The following DCC variants were observed in gnomAD, a reference collection of about 807,000 sequenced individuals.
DCC encodes DCC netrin 1 receptor.
DCC carries 58 observed loss-of-function variants against 172.5 expected under a neutral mutation model. That is an observed-to-expected ratio of 0.34 (90% CI 0.27 to 0.42). DCC has a LOEUF of 0.42. Ranked by LOEUF, DCC falls within the 10% of genes least tolerant of loss-of-function variation. The pLI, the probability that DCC is intolerant of heterozygous loss-of-function variation, is 1.00. For synonymous variants in DCC, 709 were observed against 644.5 expected (o/e 1.10, Z -1.52); for missense variants, 1,740 against 1,791.0 (o/e 0.97, Z 0.51).
intron 13 of DCC, among the ~76,000 whole-genome samples, chr18:53,309,104 C>A (rs1368719238): frequency 1.3e-5 from 2 of 152,128 alleles, no homozygotes; most frequent in African/African-American, 4.8e-5. Context: ...GTGGCATGAT[C>A]ATAGTTTACT....
At chr18:53,184,558 G>A (rs191377563) in intron 9 of DCC, among the ~76,000 whole-genome samples, 6 of 152,196 alleles carry the variant, frequency 3.9e-5, no homozygotes, top group Non-Finnish European at 4.4e-5. Flanking sequence ...AACCTGTATA[G>A]CATGTGACGG....
At chr18:53,070,499 G>A (rs763153374) in intron 7 of DCC, among the ~76,000 whole-genome samples, 3 of 152,154 alleles carry the variant, frequency 2.0e-5, no homozygotes, top group Non-Finnish European at 4.4e-5. Flanking sequence ...ACTTCTCCCA[G>A]GAACTCTACA....
At chr18:52,685,070 C>T (rs1472000675) in intron 1 of DCC, among the ~76,000 whole-genome samples, 2 of 151,970 alleles carry the variant, frequency 1.3e-5, no homozygotes, top group African/African-American at 4.8e-5. Flanking sequence ...CTTACTTATT[C>T]AAATTAGTTC....
chr18:52,477,971 C>T (rs990117138), intron 1 of DCC, among the ~76,000 whole-genome samples: 1 of 152,032 alleles, frequency 6.6e-6, no homozygotes, highest in African/African-American at 2.4e-5. Flanking sequence ...CACCATACCC[C>T]GCTAATTTTT....
intron 3 of DCC, among the ~76,000 whole-genome samples, chr18:52,916,106 CAT>C (rs1422170962): frequency 6.6e-6 from 1 of 152,004 alleles, no homozygotes; most frequent in Non-Finnish European, 1.5e-5. Context: ...TAGTATTCCA[CAT>C]GTGTCAACAT....
intron 1 of DCC, among the ~76,000 whole-genome samples, chr18:52,697,724 A>G (rs1286464260): frequency 1.3e-5 from 2 of 152,212 alleles, no homozygotes; most frequent in Non-Finnish European, 2.9e-5. Context: ...TGTTAAGTAG[A>G]GAAATTGTAA....
At chr18:52,453,772 G>A (rs940473273) in intron 1 of DCC, among the ~76,000 whole-genome samples, 4 of 151,722 alleles carry the variant, frequency 2.6e-5, no homozygotes, top group Non-Finnish European at 2.9e-5. Flanking sequence ...CATGATAAAC[G>A]GATTTGTCTT....
intron 12 of DCC, among the ~76,000 whole-genome samples, chr18:53,297,742 G>A (rs1479373911): frequency 6.6e-6 from 1 of 152,132 alleles, no homozygotes; most frequent in East Asian, 1.9e-4. Context: ...ACATTAATAA[G>A]AAAAGAATGC....
In DCC at chr18:53,143,025, G is replaced by A. The variant is rs954782524; in HGVS notation, c.1262-14331G>A. Among the ~76,000 whole-genome samples the A allele has an allele frequency of 2.6e-5, 4 of 152,142 alleles. No individual in the cohort carries two copies. In the East Asian group the frequency reaches 5.8e-4, roughly 22 times the overall value. ...GGAAAGAATACCACAGAGGGGAAGT[G>A]TACTTCTTGCCACATAATATCAAGG... On this transcript the variant is annotated intron_variant, in intron 7 of 28. Transcript: ENST00000442544.
At chr18:52,401,663 A>C (rs1254711511) in intron 1 of DCC, among the ~76,000 whole-genome samples, 1 of 151,844 alleles carries the variant, frequency 6.6e-6, no homozygotes, top group East Asian at 1.9e-4. Context: ...ATAATTTGGC[A>C]CTCTAATTTT....
At chr18:53,504,281 G>C (rs1370558754) in intron 27 of DCC, among the ~76,000 whole-genome samples, 1 of 152,148 alleles carries the variant, frequency 6.6e-6, no homozygotes, top group Non-Finnish European at 1.5e-5. Context: ...TACCACACGA[G>C]TGTTCCATTC....
At chr18:53,211,170 A>C (rs1036210611) in intron 11 of DCC, among the ~76,000 whole-genome samples, 1 of 151,978 alleles carries the variant, frequency 6.6e-6, no homozygotes, top group Non-Finnish European at 1.5e-5. Flanking sequence ...TATTTTTATG[A>C]ATGTTATTAA....
chr18:53,187,528 G>A (rs1015452505), intron 9 of DCC, among the ~76,000 whole-genome samples: 1 of 152,024 alleles, frequency 6.6e-6, no homozygotes, highest in Non-Finnish European at 1.5e-5. Flanking sequence ...TTGCCTTTTA[G>A]TATAAAATAT....
chr18:52,370,377 C>T (rs748601464), intron 1 of DCC, among the ~76,000 whole-genome samples: 23 of 152,070 alleles, frequency 1.5e-4, no homozygotes, highest in Non-Finnish European at 2.8e-4. Flanking sequence ...TACATATACA[C>T]CATGGAATAA....
At chr18:52,515,970 G>T (rs1437343519) in intron 1 of DCC, among the ~76,000 whole-genome samples, 2 of 149,250 alleles carry the variant, frequency 1.3e-5, no homozygotes, top group Non-Finnish European at 3.0e-5. Flanking sequence ...AAATTAAGAG[G>T]ATACCCAGAT....
chr18:53,145,817 G>T (rs995395579), intron 7 of DCC, among the ~76,000 whole-genome samples: 1 of 152,206 alleles, frequency 6.6e-6, no homozygotes, highest in Non-Finnish European at 1.5e-5. Context: ...GGAAGCTACT[G>T]TTGCTTCATA....
chr18:53,318,895 C>G (rs10153420), intron 13 of DCC, among the ~76,000 whole-genome samples: 2,520 of 152,124 alleles, frequency 0.017, 36 homozygotes, highest in Middle Eastern at 0.034. Flanking sequence ...GGAAGCCCAT[C>G]AGACTAATAG....
At position 53,505,014 on chromosome 18, in the gene DCC, T is replaced by A. The variant is rs973095192; in HGVS notation, c.4111+5504T>A. ...TGTTAACAGTTATTCTTAGAGTGAC[T>A]TTTTCCCCCCCTAAAAGGGGTCTTC... On this transcript the variant is annotated intron_variant, in intron 27 of 28. Transcript: ENST00000442544. 1.4e-4 allele frequency among the ~76,000 whole-genome samples: 21 copies of A among 151,678 alleles called. No homozygotes were observed. In the East Asian group the frequency reaches 3.3e-3, roughly 24 times the overall value.
intron 1 of DCC, among the ~76,000 whole-genome samples, chr18:52,747,658 C>G (rs1374611696): frequency 6.6e-6 from 1 of 152,174 alleles, no homozygotes; most frequent in African/African-American, 2.4e-5. Context: ...CTGTCTTCCT[C>G]TCTTCATACA....
Sources: allele counts gnomAD v4.1 joint callset (sites outside exome capture counted in the v4.1 genomes callset), GRCh38; gene constraint gnomAD v4.1.1; transcripts MANE v1.5; gene names NCBI Gene and HGNC (gene_info 2026-07-23, HGNC 2026-07-21).